Variants in NKIRAS1 observed in about 807,000 individuals in gnomAD.
NKIRAS1 encodes the protein NF-kappa-B inhibitor-interacting Ras-like protein 1.
NKIRAS1 carries 16 observed loss-of-function variants against 19.8 expected under a neutral mutation model. The observed-to-expected ratio is 0.81, with a 90% CI of 0.55 to 1.23. NKIRAS1 has a LOEUF of 1.23. Among genes scored for constraint, NKIRAS1 ranks in the 50% most tolerant of loss-of-function variants. The pLI, the probability that NKIRAS1 is intolerant of heterozygous loss-of-function variation, is 0.00. For missense variants in NKIRAS1, 184 were observed against 220.0 expected, an observed-to-expected ratio of 0.84 and a Z score of 1.04; for synonymous variants, 88 against 79.0, an observed-to-expected ratio of 1.11 and a Z score of -0.61.
At chr3:23,904,157 GAAAGA>G (rs201412541) in intron 3 of NKIRAS1, among the ~76,000 whole-genome samples, 2,163 of 152,210 alleles carry the variant, frequency 0.014, 56 homozygotes, top group African/African-American at 0.048. Flanking sequence ...AAAAGAAAAA[GAAAGA>G]AAAGAAAAGA....
At chr3:23,907,665 T>A (rs952079844) in intron 3 of NKIRAS1, among the ~76,000 whole-genome samples, 3 of 152,188 alleles carry the variant, frequency 2.0e-5, no homozygotes, top group African/African-American at 7.2e-5. Context: ...TGCCATTAGA[T>A]CCTCTCTTCA....
intron 1 of NKIRAS1, among the ~76,000 whole-genome samples, chr3:23,940,167 CCA>C (rs1491491713): frequency 0.064 from 1,853 of 28,788 alleles, 42 homozygotes; most frequent in Middle Eastern, 0.21. Context: ...CCCATCTCTA[CCA>C]AAAAAAAAAA....
At position 23,890,423 on chromosome 3, in the gene NKIRAS1, A is replaced by T; in HGVS notation, c.*2672T>A. ...GGTTTGATCACACATACTTTGTCGT[A>T]CGTATCTACCCAAGCTGTCACTATT... On this transcript the variant is annotated 3_prime_UTR_variant, in exon 5 of 5. Coordinates refer to ENST00000425478, the MANE Select transcript of NKIRAS1 (RefSeq NM_020345.4). The T allele has an allele frequency of 7.9e-7, 1 of 1,268,966 alleles. No individual in the cohort carries two copies. The allele number at this position is 1,268,966 out of a possible 1,614,324, so 78.6% of individuals were successfully genotyped here. A position where few individuals can be genotyped will look rare whatever the true frequency, so the allele number is the denominator to read the frequency against.
At chr3:23,920,020 C>A (rs1191407380), upstream of NKIRAS1, 1 of 986,402 alleles carries the variant, frequency 1.0e-6, no homozygotes, top group African/African-American at 1.7e-5. Context: ...GCTCCTGGTT[C>A]AGTGCCATGG....
chr3:23,900,846 G>C lies in NKIRAS1; in HGVS notation c.298C>G (p.Leu100Val). Residue 100 changes from leucine to valine, a missense_variant, in exon 4 of 5, where the codon CTG becomes GTG. Coordinates refer to ENST00000425478, the MANE Select transcript of NKIRAS1 (RefSeq NM_020345.4). ...TTGAACTTATCGATTTCTTTCTTCA[G>C]AAGCTCCACTCTTTGAAAGGATTCA... ...NLESFQRVEL[L>V]KKEIDKFKDK... The C allele has an allele frequency of 6.2e-7, 1 of 1,613,600 alleles. No homozygotes were observed. Among genetic ancestry groups the C allele is most frequent in the Non-Finnish European group, 8.5e-7 (1 of 1,179,688 alleles).
In NKIRAS1 at chr3:23,891,668, A is replaced by AGTTCT. The variant is rs753948978; in HGVS notation, c.*1422_*1426dup. ...TTGGCAGTACATGTCCTGACCCAGCAGTTCTGTTTCTGTATGTCTCTTTCA... is the reference window on the plus strand; with the variant it reads ...TTGGCAGTACATGTCCTGACCCAGCAGTTCTGTTCTGTTTCTGTATGTCTCTTTCA... On this transcript the variant is annotated 3_prime_UTR_variant, in exon 5 of 5. Transcript: ENST00000425478. 3 of 148,380 alleles carry AGTTCT rather than the reference A, an allele frequency of 2.0e-5. No individual in the cohort carries two copies. Among genetic ancestry groups the AGTTCT allele is most frequent in the Non-Finnish European group, 3.0e-5 (2 of 67,706 alleles). The allele number at this position is 148,380 out of a possible 1,614,324, so 9.2% of individuals were successfully genotyped here.
chr3:23,920,739 C>T (rs147617531), upstream of NKIRAS1: 240 of 978,798 alleles, frequency 2.5e-4, no homozygotes, highest in East Asian at 0.02. Flanking sequence ...CATAAAAGTT[C>T]TTGAGACCTA....
intron 1 of NKIRAS1, among the ~76,000 whole-genome samples, chr3:23,939,067 C>T (rs1365089129): frequency 6.6e-6 from 1 of 152,210 alleles, no homozygotes; most frequent in Admixed American, 6.5e-5. Context: ...TCATAGATAA[C>T]AAAATAATGC....
chr3:23,919,866 T>A (rs189958810), upstream of NKIRAS1: 1 of 1,004,318 alleles, frequency 1.0e-6, no homozygotes, highest in Admixed American at 5.7e-5. Context: ...GGCAATGCTC[T>A]GCTGGTTTAT....
At chr3:23,893,629 A>G (rs1322650323) in intron 4 of NKIRAS1, among the ~76,000 whole-genome samples, 3 of 152,026 alleles carry the variant, frequency 2.0e-5, no homozygotes, top group Non-Finnish European at 4.4e-5. Flanking sequence ...CAACACGGTG[A>G]AACCCCATCT....
chr3:23,940,167 C>CAAAAAAAAAAAAAAAAAAAAAAAAAAAA (rs1559517464), intron 1 of NKIRAS1, among the ~76,000 whole-genome samples: 1 of 28,924 alleles, frequency 3.5e-5, no homozygotes, highest in Non-Finnish European at 7.5e-5. Flanking sequence ...CCCATCTCTA[C>CAAAAAAAAAAAAAAAAAAAAAAAAAAAA]CAAAAAAAAA....
chr3:23,893,406 A>C lies in NKIRAS1; in HGVS notation c.337-69T>G, dbSNP rs1028336035. ...ACATCAGTTCCTGGGCAAAATGGAGACATAAGGAAAATTGTTCCACTTAAC... is the reference window on the plus strand; with the variant it reads ...ACATCAGTTCCTGGGCAAAATGGAGCCATAAGGAAAATTGTTCCACTTAAC... On this transcript the variant is annotated intron_variant, in intron 4 of 4. Transcript: ENST00000425478. 2.8e-6 allele frequency: 4 copies of C among 1,404,636 alleles called. No individual in the cohort carries two copies. In the African/African-American group the frequency reaches 5.8e-5, roughly 20 times the overall value. 87.0% of individuals were successfully genotyped at this position (1,404,636 alleles called of 1,614,324 possible).
intron 1 of NKIRAS1, among the ~76,000 whole-genome samples, chr3:23,941,982 TA>T (rs1178106557): frequency 5.9e-5 from 8 of 136,664 alleles, no homozygotes; most frequent in South Asian, 4.4e-4. Flanking sequence ...CTTATTTATT[TA>T]TTTATTTATT....
upstream of NKIRAS1, chr3:23,921,830 C>T (rs889879930): frequency 5.5e-6 from 3 of 549,528 alleles, no homozygotes; most frequent in South Asian, 6.9e-5. Context: ...CTGCCTTGGC[C>T]TCCCAAAGTG....
upstream of NKIRAS1, chr3:23,921,570 GTTTTTTTTTTT>G (rs71622703): frequency 5.2e-4 from 264 of 508,926 alleles, 2 homozygotes; most frequent in African/African-American, 5.4e-3. Flanking sequence ...TGATTATTGA[GTTTTTTTTTTT>G]TTTTTTTTTT....
In NKIRAS1 at chr3:23,891,766, A is replaced by G. The variant is rs1701488386; in HGVS notation, c.*1329T>C. On this transcript the variant is annotated 3_prime_UTR_variant, in exon 5 of 5. Transcript: ENST00000425478. ...AATTGGTAACTGTTTGTACTAATAT[A>G]GACTAAGTTGCATTAGTAGGAAACA... 1 of 152,254 alleles carries G rather than the reference A, an allele frequency of 6.6e-6. No homozygotes were observed. Among genetic ancestry groups the G allele is most frequent in the Non-Finnish European group, 1.5e-5 (1 of 68,050 alleles). 9.4% of individuals were successfully genotyped at this position (152,254 alleles called of 1,614,324 possible). A position where few individuals can be genotyped will look rare whatever the true frequency, so the allele number is the denominator to read the frequency against.
In NKIRAS1 at chr3:23,893,055, C is replaced by A. The variant is rs904328346; in HGVS notation, c.*40G>T. The A allele has an allele frequency of 6.6e-7, 1 of 1,508,754 alleles. No homozygotes were observed. Among genetic ancestry groups the A allele is most frequent in the African/African-American group, 1.4e-5 (1 of 71,418 alleles). The allele number at this position is 1,508,754 out of a possible 1,614,324, so 93.5% of individuals were successfully genotyped here. On this transcript the variant is annotated 3_prime_UTR_variant, in exon 5 of 5. Transcript: ENST00000425478. The stretch of plus-strand genomic sequence containing the variant: ...CTCCATGTTCACAGACACTTAAAGG[C>A]AATCACTATTCAACATACAATTGTG...
At position 23,891,848 on chromosome 3, in the gene NKIRAS1, G is replaced by GTAAC. The variant is rs1404344851; in HGVS notation, c.*1243_*1246dup. Reference sequence around the variant, plus strand: ...ATTATGAAAGCATTTGTCCATCTATGTAACATGCATGGGTGGGAAGCTAGA... The same window carrying GTAAC: ...ATTATGAAAGCATTTGTCCATCTATGTAACTAACATGCATGGGTGGGAAGCTAGA... On this transcript the variant is annotated 3_prime_UTR_variant, in exon 5 of 5. Transcript: ENST00000425478. The GTAAC allele has an allele frequency of 6.6e-6, 1 of 152,150 alleles. No homozygotes were observed. Among genetic ancestry groups the GTAAC allele is most frequent in the Non-Finnish European group, 1.5e-5 (1 of 68,032 alleles). The allele number at this position is 152,150 out of a possible 1,614,324, so 9.4% of individuals were successfully genotyped here. A position where few individuals can be genotyped will look rare whatever the true frequency, so the allele number is the denominator to read the frequency against.
rs1042932578 is a variant in NKIRAS1, at chr3:23,893,327, A to C, written c.347T>G (p.Val116Gly). 6.2e-7 allele frequency: 1 copy of C among 1,613,150 alleles called. No individual in the cohort carries two copies. The highest frequency in any genetic ancestry group is 8.5e-7 in the Non-Finnish European group (1 of 1,179,620). Residue 116 changes from valine to glycine, a missense_variant, in exon 5 of 5, where the codon GTG becomes GGG. Coordinates refer to ENST00000425478, the MANE Select transcript of NKIRAS1 (RefSeq NM_020345.4). The part of the protein sequence containing the change: ...KFKDKKEVAI[V>G]VLGNKIDLSE... ...AAGGTCGATTTTGTTTCCTAATACC[A>C]CAATTGCTACCTGAAAGAAAACGGA... is the stretch of plus-strand genomic sequence containing the variant.
Sources: allele counts gnomAD v4.1 joint callset (sites outside exome capture counted in the v4.1 genomes callset), GRCh38; gene constraint gnomAD v4.1.1; transcripts MANE v1.5; gene names NCBI Gene and HGNC (gene_info 2026-07-23, HGNC 2026-07-21).